Variants in KDM2B observed in about 807,000 individuals in gnomAD.
The protein encoded by KDM2B is lysine-specific demethylase 2B.
In KDM2B, 26 loss-of-function variants were observed where a neutral mutation model predicts 150.0. The ratio of observed to expected loss-of-function variants is 0.17; its 90% CI spans 0.13 to 0.24. The LOEUF (loss-of-function observed/expected upper bound fraction) is 0.24. Among genes scored for constraint, KDM2B ranks in the 10% least tolerant of loss-of-function variants. The pLI, the probability that KDM2B is intolerant of heterozygous loss-of-function variation, is 1.00. For missense variants in KDM2B, 1,265 were observed against 1,816.9 expected, an observed-to-expected ratio of 0.70 and a Z score of 5.52; for synonymous variants, 734 against 729.5, an observed-to-expected ratio of 1.01 and a Z score of -0.10.
At position 121,580,950 on chromosome 12, in the gene KDM2B, T is replaced by C. The variant is rs538975639; in HGVS notation, c.-39A>G. Reference sequence around the variant, plus strand: ...TTGGGGGGCTCAGAAGGAAATTAGCTCGGCTTCCATACCTATAAGGACTGC... The same window carrying C: ...TTGGGGGGCTCAGAAGGAAATTAGCCCGGCTTCCATACCTATAAGGACTGC... On this transcript the variant is annotated 5_prime_UTR_variant, in exon 1 of 23. Coordinates refer to ENST00000377071, the MANE Select transcript of KDM2B (RefSeq NM_032590.5). 3.8e-4 allele frequency: 614 copies of C among 1,608,752 alleles called. 7 individuals carry two copies. In the South Asian group the frequency reaches 6.4e-3, roughly 17 times the overall value.
Position 121,472,910 on chromosome 12 carries a change from G to A in KDM2B, c.1735-19566C>T, listed in dbSNP as rs118051757. Among the ~76,000 whole-genome samples, 51 of 152,160 alleles carry A rather than the reference G, an allele frequency of 3.4e-4. No homozygotes were observed. The East Asian group carries it at 9.5e-3, about 28-fold the overall frequency. On this transcript the variant is annotated intron_variant, in intron 12 of 22. Coordinates refer to ENST00000377071, the MANE Select transcript of KDM2B (RefSeq NM_032590.5). Reference sequence around the variant, plus strand: ...CAGCCTAATTCTGGCCTATAATCAAGATTTTGTAATTTAATGATTTTTTTT... The same window carrying A: ...CAGCCTAATTCTGGCCTATAATCAAAATTTTGTAATTTAATGATTTTTTTT...
intron 12 of KDM2B, among the ~76,000 whole-genome samples, chr12:121,488,609 A>C (rs1883024461): frequency 6.6e-6 from 1 of 152,038 alleles, no homozygotes. Context: ...TTATTTATTC[A>C]TTTGTATTTA....
At chr12:121,573,693 T>C (rs181617194) in intron 4 of KDM2B, among the ~76,000 whole-genome samples, 3,760 of 152,084 alleles carry the variant, frequency 0.025, 87 homozygotes, top group Non-Finnish European at 0.042. Context: ...GTTCACACCA[T>C]TCTCCTGCCT....
At chr12:121,422,406 G>C in the KDM2B span, among the ~76,000 whole-genome samples, 1 of 152,152 alleles carries the variant, frequency 6.6e-6, no homozygotes, top group African/African-American at 2.4e-5. Flanking sequence ...CACACAGAAG[G>C]AGAGACCAAG....
rs782429574 is a variant in KDM2B at position 121,520,324 on chromosome 12, G to T, written c.1047+661C>A. ...TTCAGGGGACACTTGTGGAGCGAAG[G>T]ACACACATCAGTTACCTAAGCCTCC... On this transcript the variant is annotated intron_variant, in intron 9 of 22. Transcript: ENST00000377071. This position sits in a 1 kb window ranked among gnomAD's most constrained non-coding sequence, Gnocchi z 4.5. Among the ~76,000 whole-genome samples, 1 of 152,126 alleles carries T rather than the reference G, an allele frequency of 6.6e-6. No homozygotes were observed. Among genetic ancestry groups the T allele is most frequent in the East Asian group, 1.9e-4 (1 of 5,188 alleles).
At chr12:121,469,272 C>T (rs1880480187) in intron 12 of KDM2B, 1 of 149,770 alleles carries the variant, frequency 6.7e-6, no homozygotes, top group African/African-American at 2.5e-5. Context: ...ACCCTAACCC[C>T]CCCACCCCAC....
downstream of KDM2B, among the ~76,000 whole-genome samples, chr12:121,427,547 A>G (rs1476005613): frequency 6.6e-6 from 1 of 152,214 alleles, no homozygotes; most frequent in Non-Finnish European, 1.5e-5. Context: ...CTCAAAATAA[A>G]TAAAATAAAA....
intron 12 of KDM2B, among the ~76,000 whole-genome samples, chr12:121,458,653 T>C (rs1436484526): frequency 2.0e-5 from 3 of 151,512 alleles, no homozygotes; most frequent in South Asian, 4.2e-4. Flanking sequence ...AATACAAAAT[T>C]AGCCAGGCAT....
chr12:121,505,618 G>T (rs1884997166), intron 11 of KDM2B, among the ~76,000 whole-genome samples: 1 of 152,110 alleles, frequency 6.6e-6, no homozygotes, highest in Non-Finnish European at 1.5e-5. Flanking sequence ...GCCATCTAGG[G>T]ACTGAGTTGA....
Position 121,429,803 on chromosome 12 carries a change from A to T in KDM2B, c.*485T>A, listed in dbSNP as rs1157989854. 1 of 538,060 alleles carries T rather than the reference A, an allele frequency of 1.9e-6. No homozygotes were observed. Among genetic ancestry groups the T allele is most frequent in the Non-Finnish European group, 3.3e-6 (1 of 306,774 alleles). 33.3% of individuals were successfully genotyped at this position (538,060 alleles called of 1,614,324 possible). On this transcript the variant is annotated 3_prime_UTR_variant, in exon 23 of 23. Transcript: ENST00000377071. Reference sequence around the variant, plus strand: ...ACCTTGCATAAATAACTTTTAAACAATTTGTACAAAAATAGTTCTGCATAA... The same window carrying T: ...ACCTTGCATAAATAACTTTTAAACATTTTGTACAAAAATAGTTCTGCATAA...
intron 6 of KDM2B, chr12:121,536,227 C>T (rs1555308691): frequency 3.3e-6 from 1 of 305,534 alleles, no homozygotes. Flanking sequence ...ACCGGGGGCT[C>T]AGCAGTATGC....
chr12:121,580,422 G>A, intron 1 of KDM2B: 6 of 1,158,660 alleles, frequency 5.2e-6, no homozygotes, highest in Non-Finnish European at 6.4e-6. Context: ...GAGGCACCGG[G>A]CGCCGTTAGC....
chr12:121,463,715 G>GGT (rs1555294192), intron 12 of KDM2B, among the ~76,000 whole-genome samples: 1 of 152,122 alleles, frequency 6.6e-6, no homozygotes, highest in East Asian at 1.9e-4. Flanking sequence ...GAGTAGCTGG[G>GGT]ACTACAGGTG....
chr12:121,512,424 G>C (rs1885670001), intron 10 of KDM2B, among the ~76,000 whole-genome samples: 1 of 151,700 alleles, frequency 6.6e-6, no homozygotes, highest in Non-Finnish European at 1.5e-5. Flanking sequence ...TACTGTAAAG[G>C]GGAAATAAAA....
intron 12 of KDM2B, among the ~76,000 whole-genome samples, chr12:121,492,744 G>T (rs1382075134): frequency 1.3e-5 from 2 of 150,900 alleles, no homozygotes; most frequent in African/African-American, 4.9e-5. Context: ...CAGGAGAATC[G>T]CTTGAACTCC....
chr12:121,411,444 A>G, the KDM2B span, among the ~76,000 whole-genome samples: 1 of 152,158 alleles, frequency 6.6e-6, no homozygotes, highest in Non-Finnish European at 1.5e-5. Flanking sequence ...GTTGAAAAAA[A>G]AATTTTCAGC....
chr12:121,554,915 G>A (rs1889786284), intron 4 of KDM2B, among the ~76,000 whole-genome samples: 1 of 152,186 alleles, frequency 6.6e-6, no homozygotes, highest in African/African-American at 2.4e-5. Flanking sequence ...GCTGAGTGTG[G>A]TGACTCACAC....
intron 8 of KDM2B, among the ~76,000 whole-genome samples, chr12:121,531,585 A>G (rs1389636693): frequency 1.3e-5 from 2 of 152,166 alleles, no homozygotes; most frequent in Admixed American, 1.3e-4. Flanking sequence ...ACTACCTAAC[A>G]GAGCAAGTTA....
intron 12 of KDM2B, chr12:121,470,203 T>G (rs1379678091): frequency 6.6e-6 from 1 of 152,162 alleles, no homozygotes; most frequent in African/African-American, 2.4e-5. Flanking sequence ...TGAGGTTGAT[T>G]TCCTTTGAGG....
Sources: gnomAD v4.1 joint callset for allele counts (sites outside exome capture counted in the v4.1 genomes callset) on GRCh38, gnomAD v4.1.1 for gene constraint, Gnocchi (gnomAD v3.1) non-coding constraint, MANE v1.5 for transcripts, NCBI Gene and HGNC (gene_info 2026-07-23, HGNC 2026-07-21) for gene names.